The following MYO1D variants were observed in gnomAD, a reference collection of about 807,000 sequenced individuals.
The protein encoded by MYO1D is myosin ID, also known as unconventional myosin-Id.
Under a neutral mutation model 122.0 loss-of-function variants are expected in MYO1D, and 83 were observed. The ratio of observed to expected loss-of-function variants is 0.68; its 90% CI spans 0.57 to 0.82. The LOEUF is 0.82. Among genes scored for constraint, MYO1D ranks in the 40% least tolerant of loss-of-function variants. The pLI is 0.00. For missense variants in MYO1D, 1,157 were observed against 1,269.5 expected, an observed-to-expected ratio of 0.91 and a Z score of 1.35; for synonymous variants, 464 against 446.9, an observed-to-expected ratio of 1.04 and a Z score of -0.48.
intron 16 of MYO1D, among the ~76,000 whole-genome samples, chr17:32,663,710 T>G (rs1487179203): frequency 6.6e-6 from 1 of 152,186 alleles, no homozygotes; most frequent in Non-Finnish European, 1.5e-5. Context: ...AAAGAAGTCT[T>G]CTTGATGAAA....
chr17:32,744,806 A>T (rs148873269), intron 13 of MYO1D, among the ~76,000 whole-genome samples: 3 of 152,190 alleles, frequency 2.0e-5, no homozygotes, highest in Admixed American at 1.3e-4. Flanking sequence ...TGCCACTCTG[A>T]TATCAGAGCG....
intron 1 of MYO1D, among the ~76,000 whole-genome samples, chr17:32,809,115 T>C: frequency 6.7e-6 from 1 of 148,186 alleles, no homozygotes; most frequent in Non-Finnish European, 1.5e-5. Flanking sequence ...GGGCTGTTTT[T>C]ATTCATTTTT....
intron 16 of MYO1D, among the ~76,000 whole-genome samples, chr17:32,696,054 G>C (rs1441107565): frequency 2.6e-5 from 4 of 152,110 alleles, no homozygotes; most frequent in African/African-American, 9.7e-5. Flanking sequence ...TATATCACAT[G>C]TGATGACATC....
intron 16 of MYO1D, among the ~76,000 whole-genome samples, chr17:32,705,694 G>C (rs1468609757): frequency 6.6e-6 from 1 of 152,142 alleles, no homozygotes; most frequent in African/African-American, 2.4e-5. Context: ...TGGAGGTTCT[G>C]GTTTTAGTTA....
chr17:32,617,971 C>A (rs115089127), intron 20 of MYO1D, among the ~76,000 whole-genome samples: 1,675 of 152,180 alleles, frequency 0.011, 30 homozygotes, highest in African/African-American at 0.034. Flanking sequence ...GAATAAAATT[C>A]TTTTCCTTTC....
At chr17:32,738,571 A>G (rs1010784495) in intron 13 of MYO1D, among the ~76,000 whole-genome samples, 186 bp from the exon 14 acceptor site, 1 of 152,246 alleles carries the variant, frequency 6.6e-6, no homozygotes, top group African/African-American at 2.4e-5. Flanking sequence ...TGATACTGCA[A>G]TGCAAATTGA....
chr17:32,800,978 T>C (rs1210654538), intron 1 of MYO1D, among the ~76,000 whole-genome samples: 3 of 152,144 alleles, frequency 2.0e-5, no homozygotes, highest in Non-Finnish European at 1.5e-5. Context: ...AATGTATACA[T>C]GTATCAAACA....
intron 21 of MYO1D, among the ~76,000 whole-genome samples, chr17:32,597,502 C>A (rs1041091684): frequency 6.6e-6 from 1 of 151,608 alleles, no homozygotes; most frequent in Non-Finnish European, 1.5e-5. Flanking sequence ...AAAAAAAAGT[C>A]ATAGGAGATA....
intron 16 of MYO1D, among the ~76,000 whole-genome samples, chr17:32,699,903 C>G (rs989122561): frequency 1.4e-4 from 22 of 152,086 alleles, no homozygotes; most frequent in Admixed American, 3.9e-4. Flanking sequence ...GTACACCAGG[C>G]CCTAAAGTAA....
In MYO1D at chr17:32,659,329, C is replaced by G; in HGVS notation, c.2131G>C (p.Gly711Arg). The G allele has an allele frequency of 6.2e-7, 1 of 1,614,032 alleles. No homozygotes were observed. The highest frequency in any genetic ancestry group is 8.5e-7 in the Non-Finnish European group (1 of 1,180,008). The change falls in exon 17 of 22, where the codon GGC becomes CGC. Residue 711 changes from glycine (G) to arginine (R), a missense_variant. Physicochemically the swap from Gly to Arg is moderately radical, Grantham distance 125. Transcript: ENST00000318217. ...IVLFLQKVWRGTLARMRYKRT... is the reference protein window; with the variant it reads ...IVLFLQKVWRRTLARMRYKRT... The stretch of plus-strand genomic sequence containing the variant: ...TTGTACCGCATGCGGGCCAGGGTGC[C>G]CCGCCACACCTTCACAATAGAGAAA...
chr17:32,816,044 A>C (rs1011880548), intron 1 of MYO1D, among the ~76,000 whole-genome samples: 9 of 152,238 alleles, frequency 5.9e-5, no homozygotes, highest in African/African-American at 1.7e-4. Context: ...TCTTCTCAAT[A>C]TCTCTCAGCT....
intron 20 of MYO1D, among the ~76,000 whole-genome samples, chr17:32,633,585 T>C (rs1461185497): frequency 1.3e-5 from 2 of 152,104 alleles, no homozygotes; most frequent in African/African-American, 4.8e-5. Context: ...ATAACATGCA[T>C]GCCCTAGAGT....
chr17:32,739,898 C>T (rs1386123318), intron 13 of MYO1D, among the ~76,000 whole-genome samples: 1 of 152,142 alleles, frequency 6.6e-6, no homozygotes, highest in Non-Finnish European at 1.5e-5. Context: ...TGAACACAGA[C>T]AGAGCAACAC....
intron 16 of MYO1D, among the ~76,000 whole-genome samples, chr17:32,667,165 AC>A (rs1470674883): frequency 6.6e-6 from 1 of 152,242 alleles, no homozygotes; most frequent in African/African-American, 2.4e-5. Context: ...TGGTATGGAC[AC>A]ATTCCATCAA....
intron 1 of MYO1D, among the ~76,000 whole-genome samples, chr17:32,850,954 T>A (rs148603020): frequency 7.6e-4 from 116 of 152,160 alleles, no homozygotes; most frequent in African/African-American, 2.6e-3. Flanking sequence ...GACCAACTGT[T>A]TACTTCATTT....
At chr17:32,610,089 T>C (rs997728682) in intron 20 of MYO1D, among the ~76,000 whole-genome samples, 1 of 152,140 alleles carries the variant, frequency 6.6e-6, no homozygotes, top group Non-Finnish European at 1.5e-5. Flanking sequence ...TGCCAGCATA[T>C]CCCAGGAGCA....
intron 20 of MYO1D, among the ~76,000 whole-genome samples, chr17:32,612,696 C>CAAAAAAAAAAAAAA (rs1158470135): frequency 3.3e-4 from 34 of 104,542 alleles, no homozygotes; most frequent in African/African-American, 4.1e-4. Flanking sequence ...AAAAAAAAAA[C>CAAAAAAAAAAAAAA]AAAAAAAAAA....
At chr17:32,496,512 A>G (rs1187360763) in intron 21 of MYO1D, among the ~76,000 whole-genome samples, 1 of 152,142 alleles carries the variant, frequency 6.6e-6, no homozygotes, top group African/African-American at 2.4e-5. Context: ...GCCCTCTTCT[A>G]CTCTTGTGGG....
At chr17:32,562,972 A>G (rs2150891332) in intron 21 of MYO1D, among the ~76,000 whole-genome samples, 1 of 152,282 alleles carries the variant, frequency 6.6e-6, no homozygotes, top group Middle Eastern at 3.4e-3. Context: ...CTAGATTTAT[A>G]TCAATTACCT....
Sources: gnomAD v4.1 joint callset for allele counts (sites outside exome capture counted in the v4.1 genomes callset) on GRCh38, gnomAD v4.1.1 for gene constraint, MANE v1.5 for transcripts, NCBI Gene and HGNC (gene_info 2026-07-23, HGNC 2026-07-21) for gene names.